The following PXDNL variants were observed in gnomAD, a reference collection of about 807,000 sequenced individuals.
PXDNL encodes peroxidasin like.
PXDNL carries 145 observed loss-of-function variants against 150.8 expected under a neutral mutation model. The observed-to-expected ratio is 0.96, with a 90% CI of 0.84 to 1.10. PXDNL has a LOEUF of 1.10. Among genes scored for constraint, PXDNL ranks in the 50% least tolerant of loss-of-function variants. The probability of loss-of-function intolerance (pLI) is 0.00; values close to 1 mark genes in which losing one functional copy is unlikely to be tolerated. For missense variants in PXDNL, 2,087 were observed against 1,873.9 expected, an observed-to-expected ratio of 1.11 and a Z score of -2.10; for synonymous variants, 757 against 725.7, an observed-to-expected ratio of 1.04 and a Z score of -0.69.
chr8:51,535,272 G>A (rs1411075746), intron 4 of PXDNL, among the ~76,000 whole-genome samples: 1 of 118,050 alleles, frequency 8.5e-6, no homozygotes, highest in Non-Finnish European at 1.6e-5. Flanking sequence ...TTGTGGAATA[G>A]AAAGGCGGGA....
chr8:51,696,251 A>T (rs1436113085), intron 1 of PXDNL, among the ~76,000 whole-genome samples: 1 of 152,176 alleles, frequency 6.6e-6, no homozygotes, highest in Middle Eastern at 3.2e-3. Flanking sequence ...TCAGGGAGGT[A>T]ATTAAGGTTA....
At chr8:51,483,983 A>T (rs1810664149) in intron 5 of PXDNL, among the ~76,000 whole-genome samples, 1 of 152,206 alleles carries the variant, frequency 6.6e-6, no homozygotes, top group Admixed American at 6.5e-5. Flanking sequence ...TGCTAAAGAG[A>T]AATACATAAA....
At chr8:51,450,393 T>C (rs11990543) in intron 10 of PXDNL, among the ~76,000 whole-genome samples, 134,964 of 152,158 alleles carry the variant, frequency 0.89, 60,513 homozygotes, top group Non-Finnish European at 0.95. Flanking sequence ...GCAGGTCTCA[T>C]CCTCATTTTA....
At chr8:51,713,037 CT>C (rs1816531873) in intron 1 of PXDNL, among the ~76,000 whole-genome samples, 1 of 152,156 alleles carries the variant, frequency 6.6e-6, no homozygotes, top group African/African-American at 2.4e-5. Flanking sequence ...TTTTATCTTT[CT>C]CCTAAAAATG....
chr8:51,600,121 CGTTT>C (rs1563478544), intron 2 of PXDNL, among the ~76,000 whole-genome samples: 23 of 142,396 alleles, frequency 1.6e-4, no homozygotes, highest in Admixed American at 5.7e-4. Flanking sequence ...TAAATTATAT[CGTTT>C]AGATAATAAA....
At chr8:51,688,180 T>C (rs1815916393) in intron 1 of PXDNL, among the ~76,000 whole-genome samples, 2 of 151,914 alleles carry the variant, frequency 1.3e-5, no homozygotes, top group East Asian at 3.9e-4. Context: ...CTGCGGCAGA[T>C]CAGTATGACC....
chr8:51,730,462 C>A (rs866484330), intron 1 of PXDNL, among the ~76,000 whole-genome samples: 9 of 152,178 alleles, frequency 5.9e-5, no homozygotes, highest in East Asian at 5.8e-4. Flanking sequence ...AGGAAGAAAA[C>A]CCCCAAGTAA....
At chr8:51,681,001 C>T (rs1056226829) in intron 1 of PXDNL, among the ~76,000 whole-genome samples, 1 of 150,540 alleles carries the variant, frequency 6.6e-6, no homozygotes, top group Non-Finnish European at 1.5e-5. Flanking sequence ...TGGTTTTCGT[C>T]CAGACACATG....
chr8:51,457,373 CA>C, intron 9 of PXDNL, 124 bp downstream of exon 9: 1 of 817,196 alleles, frequency 1.2e-6, no homozygotes, highest in East Asian at 3.0e-5. Flanking sequence ...TTCTCTAAAA[CA>C]AAATTTAAAA....
At chr8:51,472,352 G>T in intron 7 of PXDNL, 48 bp from the exon 8 acceptor site, 1 of 1,406,782 alleles carries the variant, frequency 7.1e-7, no homozygotes, top group Non-Finnish European at 1.0e-6. Flanking sequence ...ACAAAATTAT[G>T]GCCTTCCAAG....
At position 51,585,114 on chromosome 8, in the gene PXDNL, T is replaced by C. The variant is rs78528389; in HGVS notation, c.308+7513A>G. On this transcript the variant is annotated intron_variant, in intron 3 of 22. Coordinates refer to ENST00000356297, the MANE Select transcript of PXDNL (RefSeq NM_144651.5). ...GGATGACTGTATGAGTCTGTCATCA[T>C]TTCATAAAATAAGCACATTTGAAGG... 5.9e-3 allele frequency among the ~76,000 whole-genome samples: 904 copies of C among 152,250 alleles called. 3 individuals carry two copies. Among genetic ancestry groups the C allele is most frequent in the African/African-American group, 0.021 (856 of 41,568 alleles).
intron 1 of PXDNL, among the ~76,000 whole-genome samples, chr8:51,806,627 T>C (rs987570640): frequency 6.6e-6 from 1 of 152,220 alleles, no homozygotes; most frequent in Non-Finnish European, 1.5e-5. Context: ...CTGAAGGTCC[T>C]AGGCAAAAAG....
chr8:51,540,673 G>T (rs1812196134), intron 4 of PXDNL, among the ~76,000 whole-genome samples: 1 of 152,042 alleles, frequency 6.6e-6, no homozygotes. Flanking sequence ...GGTTGAAAAA[G>T]TTGTGTATTC....
intron 5 of PXDNL, among the ~76,000 whole-genome samples, chr8:51,492,486 T>A (rs1050522402): frequency 2.0e-5 from 3 of 152,162 alleles, no homozygotes; most frequent in African/African-American, 7.2e-5. Context: ...GGGCAAGGCA[T>A]CACCTCACCC....
At chr8:51,647,654 G>A (rs139648264) in intron 2 of PXDNL, among the ~76,000 whole-genome samples, 83 of 152,252 alleles carry the variant, frequency 5.5e-4, no homozygotes, top group African/African-American at 1.5e-3. Context: ...TAGCCAGAGC[G>A]CCTGTGTCAA....
At chr8:51,668,172 C>CTTTTTTTTTTTTTT (rs765738861) in intron 1 of PXDNL, among the ~76,000 whole-genome samples, 7 of 26,106 alleles carry the variant, frequency 2.7e-4, no homozygotes, top group Admixed American at 4.3e-4. Flanking sequence ...CCTTCTCGCT[C>CTTTTTTTTTTTTTT]TCTCTTTTTT....
intron 2 of PXDNL, among the ~76,000 whole-genome samples, chr8:51,637,446 AC>A (rs1230271424): frequency 6.6e-6 from 1 of 152,154 alleles, no homozygotes; most frequent in African/African-American, 2.4e-5. Context: ...GAAGCCAAAA[AC>A]CTTGAAAAAA....
intron 4 of PXDNL, among the ~76,000 whole-genome samples, chr8:51,536,778 C>T (rs180802621): frequency 1.3e-5 from 2 of 152,208 alleles, no homozygotes; most frequent in Admixed American, 1.3e-4. Flanking sequence ...GGTCTGGTCC[C>T]CAACAGTTTT....
intron 17 of PXDNL, among the ~76,000 whole-genome samples, chr8:51,403,680 G>C (rs1232998850): frequency 6.6e-6 from 1 of 152,184 alleles, no homozygotes; most frequent in African/African-American, 2.4e-5. Flanking sequence ...ACAGACAGCT[G>C]CCATCTGCTT....
Sources: gnomAD v4.1 joint callset for allele counts (sites outside exome capture counted in the v4.1 genomes callset) on GRCh38, gnomAD v4.1.1 for gene constraint, MANE v1.5 for transcripts, NCBI Gene and HGNC (gene_info 2026-07-23, HGNC 2026-07-21) for gene names.